KDM2B: variants seen among roughly 807,000 people sequenced by gnomAD.
KDM2B encodes the protein lysine demethylase 2B.
KDM2B carries 26 observed loss-of-function variants against 150.0 expected under a neutral mutation model. That is an observed-to-expected ratio of 0.17 (90% CI 0.13 to 0.24). The LOEUF (loss-of-function observed/expected upper bound fraction) is 0.24, where lower values mean the gene tolerates loss of function less well. KDM2B is among the 10% of genes least tolerant of loss of function. The probability of loss-of-function intolerance (pLI) is 1.00; values close to 1 mark genes in which losing one functional copy is unlikely to be tolerated. For synonymous variants in KDM2B, 734 were observed against 729.5 expected, an observed-to-expected ratio of 1.01 and a Z score of -0.10; for missense variants, 1,265 against 1,816.9, an observed-to-expected ratio of 0.70 and a Z score of 5.52.
chr12:121,431,295 CTTTTTTTTTTTTTTT>C (rs71453557), intron 22 of KDM2B, among the ~76,000 whole-genome samples: 1 of 98,940 alleles, frequency 1.0e-5, no homozygotes, highest in Non-Finnish European at 1.9e-5. Flanking sequence ...CCATGTGCAA[CTTTTTTTTTTTTTTT>C]TTTTTTTTTT....
chr12:121,442,937 C>T lies in KDM2B; in HGVS notation c.2604+55G>A. ...CACGGGACTGTGGCCCAGGGAGCTGCGGTGCAGCTCTAACCGCTCAGGCCT... is the reference window on the plus strand; with the variant it reads ...CACGGGACTGTGGCCCAGGGAGCTGTGGTGCAGCTCTAACCGCTCAGGCCT... On this transcript the variant is annotated intron_variant, in intron 18 of 22. Coordinates refer to ENST00000377071, the MANE Select transcript of KDM2B (RefSeq NM_032590.5). This position sits in a 1 kb window ranked among gnomAD's most constrained non-coding sequence, Gnocchi z 7.7. 5 of 1,602,026 alleles carry T rather than the reference C, an allele frequency of 3.1e-6. No homozygotes were observed. The highest frequency in any genetic ancestry group is 1.1e-5 in the South Asian group (1 of 89,742).
At chr12:121,517,519 AGTGCAGT>A (rs1555305231) in intron 9 of KDM2B, among the ~76,000 whole-genome samples, 1 of 147,802 alleles carries the variant, frequency 6.8e-6, no homozygotes, top group Non-Finnish European at 1.5e-5. Flanking sequence ...CCCAGGCTGG[AGTGCAGT>A]GGCTCAATCT....
chr12:121,459,601 C>T (rs558071138), intron 12 of KDM2B, among the ~76,000 whole-genome samples: 4 of 152,280 alleles, frequency 2.6e-5, no homozygotes, highest in Admixed American at 6.5e-5. Flanking sequence ...GAGGCCAAGG[C>T]GGGAGGATCA....
downstream of KDM2B, among the ~76,000 whole-genome samples, chr12:121,427,249 TAAAAG>T: frequency 6.6e-6 from 1 of 152,210 alleles, no homozygotes; most frequent in Non-Finnish European, 1.5e-5. Flanking sequence ...ATTTTAAAAA[TAAAAG>T]AGGCTGGGGA....
At chr12:121,532,044 C>T (rs565757712) in intron 8 of KDM2B, among the ~76,000 whole-genome samples, 55 of 152,048 alleles carry the variant, frequency 3.6e-4, no homozygotes, top group African/African-American at 1.3e-3. Context: ...CTGCTTGAAC[C>T]TGGGAGGTGA....
chr12:121,439,044 G>A (rs1369054642), intron 22 of KDM2B, among the ~76,000 whole-genome samples: 3 of 152,132 alleles, frequency 2.0e-5, no homozygotes, highest in Non-Finnish European at 4.4e-5. Context: ...TGCAGCGAGC[G>A]AAGATCCTGC....
chr12:121,458,633 C>T (rs1878644528), intron 12 of KDM2B, among the ~76,000 whole-genome samples: 2 of 152,066 alleles, frequency 1.3e-5, no homozygotes, highest in Admixed American at 6.6e-5. Context: ...GAAACCCCAT[C>T]CCTACTAAAA....
chr12:121,440,615 C>A, intron 21 of KDM2B: 3 of 563,060 alleles, frequency 5.3e-6, no homozygotes, highest in East Asian at 5.9e-5. Flanking sequence ...CACGCGGAGC[C>A]CCAGGAGCGA....
chr12:121,523,059 C>T (rs1566373572), intron 8 of KDM2B, among the ~76,000 whole-genome samples: 1 of 152,198 alleles, frequency 6.6e-6, no homozygotes, highest in East Asian at 1.9e-4. Flanking sequence ...GGTCACACAG[C>T]GTGGGGCTAG....
chr12:121,502,147 G>A (rs1245948203), intron 11 of KDM2B, among the ~76,000 whole-genome samples: 10 of 152,302 alleles, frequency 6.6e-5, no homozygotes, highest in African/African-American at 2.2e-4. Flanking sequence ...ATTCTATGGT[G>A]TCTGAAATTT....
At position 121,549,394 on chromosome 12, in the gene KDM2B, G is replaced by T. The variant is rs1889312375; in HGVS notation, c.576+66C>A. The T allele has an allele frequency of 2.1e-6, 3 of 1,438,224 alleles. No homozygotes were observed. The highest frequency in any genetic ancestry group is 1.9e-6 in the Non-Finnish European group (2 of 1,057,730). The allele number at this position is 1,438,224 out of a possible 1,614,324, so 89.1% of individuals were successfully genotyped here. ...CTTTTTGCAAGGCACAACCCAGGTG[G>T]CAGGGGGACAGGGAAGGAGATGAGG... On this transcript the variant is annotated intron_variant, in intron 5 of 22. Coordinates refer to ENST00000377071, the MANE Select transcript of KDM2B (RefSeq NM_032590.5). The surrounding 1 kb of genome is among the most constrained non-coding windows in gnomAD (Gnocchi z 4.4).
the KDM2B span, among the ~76,000 whole-genome samples, chr12:121,421,533 T>G: frequency 6.6e-6 from 1 of 151,914 alleles, no homozygotes; most frequent in African/African-American, 2.4e-5. Flanking sequence ...AGCAAGACTG[T>G]CTCAAAACAA....
intron 11 of KDM2B, among the ~76,000 whole-genome samples, chr12:121,503,106 T>C (rs930085611): frequency 4.6e-5 from 7 of 151,772 alleles, no homozygotes; most frequent in African/African-American, 1.2e-4. Flanking sequence ...GTCTCTCTAG[T>C]AGCTGGGCCT....
intron 14 of KDM2B, 101 bp downstream of exon 14, chr12:121,445,174 G>A: frequency 7.2e-7 from 1 of 1,396,028 alleles, no homozygotes; most frequent in Non-Finnish European, 9.8e-7. Context: ...GGTCCTCCAG[G>A]AATTCACTGC....
intron 12 of KDM2B, among the ~76,000 whole-genome samples, chr12:121,493,059 C>CTTTTTT (rs61628112): frequency 7.4e-5 from 4 of 54,080 alleles, no homozygotes; most frequent in African/African-American, 2.4e-4. Context: ...TCATGCCTGG[C>CTTTTTT]TTTTTTTTTT....
intron 11 of KDM2B, among the ~76,000 whole-genome samples, chr12:121,506,383 T>C (rs570385480): frequency 1.3e-5 from 2 of 152,138 alleles, no homozygotes; most frequent in Non-Finnish European, 2.9e-5. Flanking sequence ...GAAGAGGTGA[T>C]GGCACCCACG....
rs1888276655 is a variant in KDM2B at position 121,537,863 on chromosome 12, C to G, written c.684-3273G>C. ...CGGGAGGCCACCCACACCCGCCCCG[C>G]GCAGCGCCACAAAGGAGGGGGCGCC... On this transcript the variant is annotated intron_variant, in intron 6 of 22. Transcript: ENST00000377071. The surrounding 1 kb of genome is among the most constrained non-coding windows in gnomAD (Gnocchi z 8.7). 6.6e-6 allele frequency among the ~76,000 whole-genome samples: 1 copy of G among 151,672 alleles called. No homozygotes were observed. Among genetic ancestry groups the G allele is most frequent in the African/African-American group, 2.4e-5 (1 of 41,338 alleles).
chr12:121,429,823 G>A lies in KDM2B; in HGVS notation c.*465C>T, dbSNP rs948648486. 1.3e-5 allele frequency: 7 copies of A among 555,910 alleles called. No homozygotes were observed. Among genetic ancestry groups the A allele is most frequent in the Non-Finnish European group, 2.2e-5 (7 of 315,360 alleles). 34.4% of individuals were successfully genotyped at this position (555,910 alleles called of 1,614,324 possible). Reference sequence around the variant, plus strand: ...AAACAATTTGTACAAAAATAGTTCTGCATAATGTAAGATGTAACAAAACCA... The same window carrying A: ...AAACAATTTGTACAAAAATAGTTCTACATAATGTAAGATGTAACAAAACCA... On this transcript the variant is annotated 3_prime_UTR_variant, in exon 23 of 23. Coordinates refer to ENST00000377071, the MANE Select transcript of KDM2B (RefSeq NM_032590.5).
intron 1 of KDM2B, chr12:121,579,517 C>G: frequency 2.8e-5 from 26 of 922,878 alleles, no homozygotes; most frequent in East Asian, 6.2e-5. Context: ...CCCGCCAGTG[C>G]AAGAAGAGGA....
Sources: gnomAD v4.1 joint callset for allele counts (sites outside exome capture counted in the v4.1 genomes callset) on GRCh38, gnomAD v4.1.1 for gene constraint, Gnocchi (gnomAD v3.1) non-coding constraint, MANE v1.5 for transcripts, NCBI Gene and HGNC (gene_info 2026-07-23, HGNC 2026-07-21) for gene names.